ZNF521: variants seen among roughly 807,000 people sequenced by gnomAD.
ZNF521 encodes zinc finger protein 521.
Under a neutral mutation model 105.5 loss-of-function variants are expected in ZNF521, and 14 were observed. The observed-to-expected ratio is 0.13, with a 90% CI of 0.09 to 0.21. The LOEUF (loss-of-function observed/expected upper bound fraction) is 0.21, where lower values mean the gene tolerates loss of function less well. Among genes scored for constraint, ZNF521 ranks in the 10% least tolerant of loss-of-function variants. ZNF521 has a pLI of 1.00. For missense variants in ZNF521, 1,233 were observed against 1,629.7 expected, an observed-to-expected ratio of 0.76 and a Z score of 4.19; for synonymous variants, 635 against 606.0, an observed-to-expected ratio of 1.05 and a Z score of -0.70.
intron 2 of ZNF521, among the ~76,000 whole-genome samples, chr18:25,329,425 C>T (rs1479918581): frequency 1.3e-5 from 2 of 152,226 alleles, no homozygotes; most frequent in South Asian, 2.1e-4. Context: ...GCATCTAAAT[C>T]GGGGCAGGGA....
At chr18:25,278,297 T>C (rs1198112399) in intron 3 of ZNF521, among the ~76,000 whole-genome samples, 2 of 152,190 alleles carry the variant, frequency 1.3e-5, no homozygotes, top group Admixed American at 6.5e-5. Flanking sequence ...ACTTACTCAT[T>C]AGTAAATGCC....
chr18:25,194,695 C>A (rs1432473278), intron 5 of ZNF521, among the ~76,000 whole-genome samples: 1 of 151,586 alleles, frequency 6.6e-6, no homozygotes, highest in Non-Finnish European at 1.5e-5. Flanking sequence ...ACATATAAAA[C>A]TATTTTATGG....
intron 3 of ZNF521, among the ~76,000 whole-genome samples, chr18:25,313,916 G>T (rs1008822532): frequency 6.6e-6 from 1 of 152,068 alleles, no homozygotes; most frequent in Non-Finnish European, 1.5e-5. Flanking sequence ...GCTAAAAAAA[G>T]ACATACTTTA....
chr18:25,253,523 C>A (rs919493530), intron 3 of ZNF521, among the ~76,000 whole-genome samples: 4 of 152,096 alleles, frequency 2.6e-5, no homozygotes, highest in African/African-American at 7.2e-5. Flanking sequence ...ATTTGATCTC[C>A]TTCAAAAAAG....
Position 25,351,223 on chromosome 18 carries a change from GAA to G in ZNF521, c.-1-278_-1-277del, listed in dbSNP as rs1231562502. 13 of 43,844 alleles carry G rather than the reference GAA, an allele frequency of 3.0e-4. No homozygotes were observed. The South Asian group carries it at 4.9e-3, about 17-fold the overall frequency. The allele number at this position is 43,844 out of a possible 1,614,324, so 2.7% of individuals were successfully genotyped here. ...TTCGACCCCCACCCCCAATCTCCAA[GAA>G]AAAAAAAAAAAAAGGAAAAAGAAAA... is the stretch of plus-strand genomic sequence containing the variant. On this transcript the variant is annotated intron_variant, in intron 1 of 7. Transcript: ENST00000361524.
At chr18:25,183,401 G>A (rs752595188) in intron 5 of ZNF521, among the ~76,000 whole-genome samples, 1 of 152,168 alleles carries the variant, frequency 6.6e-6, no homozygotes, top group African/African-American at 2.4e-5. Flanking sequence ...CTTTGACTTA[G>A]TGACAAAATG....
At chr18:25,169,383 C>T (rs2035407612) in intron 5 of ZNF521, among the ~76,000 whole-genome samples, 1 of 152,152 alleles carries the variant, frequency 6.6e-6, no homozygotes, top group African/African-American at 2.4e-5. Flanking sequence ...AAAGTGACTT[C>T]CTGAGGGTGG....
intron 7 of ZNF521, among the ~76,000 whole-genome samples, chr18:25,075,546 T>C (rs909548986): frequency 6.6e-6 from 1 of 152,176 alleles, no homozygotes; most frequent in Non-Finnish European, 1.5e-5. Flanking sequence ...CAGAAATACA[T>C]CTGGCAGTAC....
intron 5 of ZNF521, among the ~76,000 whole-genome samples, chr18:25,099,910 G>A (rs1479086961): frequency 1.3e-5 from 2 of 152,124 alleles, no homozygotes; most frequent in Non-Finnish European, 2.9e-5. Flanking sequence ...CTGCTTTAAA[G>A]TTAAATCTAT....
chr18:25,088,716 C>G (rs988293198), intron 7 of ZNF521, among the ~76,000 whole-genome samples: 12 of 124,332 alleles, frequency 9.7e-5, no homozygotes, highest in Non-Finnish European at 2.0e-4. Flanking sequence ...ATCTAGGTCT[C>G]TGACTCATTT....
chr18:25,212,546 T>A (rs1403730413), intron 4 of ZNF521, among the ~76,000 whole-genome samples: 67 of 100,336 alleles, frequency 6.7e-4, no homozygotes, highest in Middle Eastern at 6.3e-3. Flanking sequence ...AAAATATATA[T>A]ATATATATAT....
At chr18:25,256,653 G>T (rs567122696) in intron 3 of ZNF521, among the ~76,000 whole-genome samples, 1 of 152,070 alleles carries the variant, frequency 6.6e-6, no homozygotes, top group African/African-American at 2.4e-5. Flanking sequence ...GAAGTGCGGG[G>T]AAGGGATCCC....
intron 3 of ZNF521, among the ~76,000 whole-genome samples, chr18:25,308,007 G>T (rs1345725143): frequency 6.6e-6 from 1 of 151,922 alleles, no homozygotes; most frequent in Non-Finnish European, 1.5e-5. Context: ...TTCAAGACCA[G>T]CCTGGCCAAC....
chr18:25,093,697 A>T (rs1467187780), intron 5 of ZNF521, among the ~76,000 whole-genome samples: 1 of 152,180 alleles, frequency 6.6e-6, no homozygotes, highest in Non-Finnish European at 1.5e-5. Context: ...AAGAGATAAA[A>T]ACCTACTCTG....
At chr18:25,324,539 C>T (rs796895978) in intron 2 of ZNF521, among the ~76,000 whole-genome samples, 2 of 152,216 alleles carry the variant, frequency 1.3e-5, no homozygotes, top group East Asian at 1.9e-4. Context: ...ACCATTAAAA[C>T]ACTTATTGGA....
rs55818021 is a variant in ZNF521 at position 25,293,351 on chromosome 18, TACAC to T, written c.220+28653_220+28656del. 7.7e-3 allele frequency among the ~76,000 whole-genome samples: 1,105 copies of T among 143,216 alleles called. 4 individuals are homozygous for T. Among genetic ancestry groups the T allele is most frequent in the African/African-American group, 0.014 (547 of 38,874 alleles). The allele number at this position is 143,216 out of a possible 152,430, so 94.0% of individuals were successfully genotyped here. On this transcript the variant is annotated intron_variant, in intron 3 of 7. Transcript: ENST00000361524. Reference sequence around the variant, plus strand: ...ATTTTCTTGCTTGCACATGTACACATACACACACACACACACACACACACACACA... The same window carrying T: ...ATTTTCTTGCTTGCACATGTACACATACACACACACACACACACACACACA...
chr18:25,304,662 A>G (rs1281196234), intron 3 of ZNF521, among the ~76,000 whole-genome samples: 1 of 151,814 alleles, frequency 6.6e-6, no homozygotes. Context: ...TCCATCCCAC[A>G]CCTTCCCTTT....
In ZNF521 at chr18:25,322,172, A is replaced by T. The variant is rs747881763; in HGVS notation, c.56T>A (p.Leu19His). Residue 19 changes from leucine to histidine, a missense_variant, in exon 3 of 8, where the codon CTT (leucine) becomes CAT (histidine). Physicochemically the swap from Leu to His is moderately conservative, Grantham distance 99 (BLOSUM62 -3). Coordinates refer to ENST00000361524, the MANE Select transcript of ZNF521 (RefSeq NM_015461.3). ...CTCTCCATCTTCAGTCTTGTCTTCA[A>T]GTTTACAGTTGGGGTCTGAAAAATA... ...PRSLKDPNCK[L>H]EDKTEDGEAL... The T allele has an allele frequency of 6.2e-7, 1 of 1,614,132 alleles. No homozygotes were observed. Among genetic ancestry groups the T allele is most frequent in the South Asian group, 1.1e-5 (1 of 91,082 alleles).
At chr18:25,168,081 T>G (rs1306596151) in intron 5 of ZNF521, among the ~76,000 whole-genome samples, 1 of 152,130 alleles carries the variant, frequency 6.6e-6, no homozygotes, top group East Asian at 1.9e-4. Context: ...CCATTTCCTC[T>G]CTCCAGGCTT....
Sources: gnomAD v4.1 joint callset for allele counts (sites outside exome capture counted in the v4.1 genomes callset) on GRCh38, gnomAD v4.1.1 for gene constraint, MANE v1.5 for transcripts, NCBI Gene and HGNC (gene_info 2026-07-23, HGNC 2026-07-21) for gene names.